The following CCDC60 variants were observed in gnomAD, a reference collection of about 807,000 sequenced individuals.
CCDC60 encodes the protein coiled-coil domain-containing protein 60.
Under a neutral mutation model 63.5 loss-of-function variants are expected in CCDC60, and 54 were observed. The ratio of observed to expected loss-of-function variants is 0.85; its 90% CI spans 0.68 to 1.07. CCDC60 has a LOEUF of 1.07. Among genes scored for constraint, CCDC60 ranks in the 50% least tolerant of loss-of-function variants. CCDC60 has a pLI of 0.00. For missense variants in CCDC60, 651 were observed against 684.3 expected (o/e 0.95, Z 0.54); for synonymous variants, 206 against 238.8 (o/e 0.86, Z 1.27).
At chr12:119,453,308 C>T (rs1173364402) in intron 2 of CCDC60, among the ~76,000 whole-genome samples, 1 of 152,150 alleles carries the variant, frequency 6.6e-6, no homozygotes, top group Non-Finnish European at 1.5e-5. Context: ...TTCCCTCCTC[C>T]TCCTTTTCTT....
At chr12:119,385,628 C>T (rs1004719913) in intron 1 of CCDC60, among the ~76,000 whole-genome samples, 1 of 152,208 alleles carries the variant, frequency 6.6e-6, no homozygotes, top group Admixed American at 6.5e-5. Flanking sequence ...TACCTAGTTT[C>T]AGGTATGTCT....
intron 1 of CCDC60, among the ~76,000 whole-genome samples, chr12:119,403,614 G>C (rs966957427): frequency 2.6e-5 from 4 of 151,986 alleles, no homozygotes; most frequent in Non-Finnish European, 5.9e-5. Context: ...TTCCCCCTGT[G>C]CCCTCTGCAT....
rs753618585 is a variant in CCDC60, at chr12:119,456,001, GAGAA to G, written c.171-15934_171-15931del. ...AGGGAGAGAGAAAGAGAGAGAGAAA[GAGAA>G]AGAAAGAAAGAAAGAAAGAAAGAAA... On this transcript the variant is annotated intron_variant, in intron 2 of 13. Transcript: ENST00000327554. The surrounding 1 kb of genome is among the most constrained non-coding windows in gnomAD (Gnocchi z 4.6). Among the ~76,000 whole-genome samples, 3,141 of 50,810 alleles carry G rather than the reference GAGAA, an allele frequency of 0.062. 92 individuals carry two copies. The highest frequency in any genetic ancestry group is 0.081 in the Non-Finnish European group (2,361 of 29,172). 33.3% of individuals were successfully genotyped at this position (50,810 alleles called of 152,430 possible).
intron 5 of CCDC60, among the ~76,000 whole-genome samples, chr12:119,490,453 T>A (rs934965569): frequency 2.6e-5 from 4 of 152,316 alleles, no homozygotes; most frequent in Non-Finnish European, 5.9e-5. Flanking sequence ...CTGGGACCCC[T>A]CCAACTTACT....
intron 3 of CCDC60, among the ~76,000 whole-genome samples, chr12:119,474,870 C>T (rs754313743): frequency 1.3e-5 from 2 of 152,018 alleles, no homozygotes; most frequent in African/African-American, 2.4e-5. Context: ...AAAATATATA[C>T]AATTTTTTCA....
intron 1 of CCDC60, among the ~76,000 whole-genome samples, chr12:119,411,231 G>A (rs1008898862): frequency 4.6e-5 from 7 of 152,210 alleles, no homozygotes; most frequent in African/African-American, 1.4e-4. Flanking sequence ...AGGCATGTTT[G>A]TTCAGATTCT....
intron 1 of CCDC60, among the ~76,000 whole-genome samples, chr12:119,425,454 C>G (rs564341019): frequency 6.6e-6 from 1 of 152,260 alleles, no homozygotes; most frequent in African/African-American, 2.4e-5. Flanking sequence ...GCTGTTTTGC[C>G]ACTCCCAAGA....
At chr12:119,428,804 A>G in intron 2 of CCDC60, 42 bp downstream of exon 2, 1 of 1,292,036 alleles carries the variant, frequency 7.7e-7, no homozygotes, top group Non-Finnish European at 1.1e-6. Flanking sequence ...ACAACCCAAC[A>G]GGCATGAGCA....
Position 119,385,807 on chromosome 12 carries a change from G to A in CCDC60, c.91-42876G>A, listed in dbSNP as rs534643768. Among the ~76,000 whole-genome samples, 45 of 152,234 alleles carry A rather than the reference G, an allele frequency of 3.0e-4. 1 individual carries two copies. The highest frequency in any genetic ancestry group is 2.7e-3 in the South Asian group (13 of 4,820). On this transcript the variant is annotated intron_variant, in intron 1 of 13. Coordinates refer to ENST00000327554, the MANE Select transcript of CCDC60 (RefSeq NM_178499.5). The stretch of plus-strand genomic sequence containing the variant: ...ACCACTAACCTCTTCACTGCCAGTC[G>A]CTGCTCCCCCTCCGTGCCCCTTCAG...
chr12:119,455,370 C>G (rs990684838), intron 2 of CCDC60, among the ~76,000 whole-genome samples: 1 of 152,174 alleles, frequency 6.6e-6, no homozygotes, highest in African/African-American at 2.4e-5. Flanking sequence ...CAGCAATCAC[C>G]ATGTAGTGTG....
chr12:119,431,619 T>C (rs1240259116), intron 2 of CCDC60, among the ~76,000 whole-genome samples: 1 of 152,194 alleles, frequency 6.6e-6, no homozygotes, highest in East Asian at 1.9e-4. Context: ...AGGAGGTTTG[T>C]TTTGAGAGAG....
intron 4 of CCDC60, among the ~76,000 whole-genome samples, chr12:119,483,928 T>C (rs1189025897): frequency 6.6e-6 from 1 of 151,176 alleles, no homozygotes; most frequent in African/African-American, 2.4e-5. Flanking sequence ...TCAAGCATGC[T>C]TCTGGGGACT....
At chr12:119,398,121 T>TGGGGGGGGGAAGGGGG (rs1956314382) in intron 1 of CCDC60, among the ~76,000 whole-genome samples, 1 of 15,956 alleles carries the variant, frequency 6.3e-5, no homozygotes, top group African/African-American at 2.9e-4. Flanking sequence ...GAGGAAGGGG[T>TGGGGGGGGGAAGGGGG]GGCAGAGGGG....
At chr12:119,335,289 CCAAT>C in intron 1 of CCDC60, 23 bp downstream of exon 1, 1 of 1,533,618 alleles carries the variant, frequency 6.5e-7, no homozygotes, top group Non-Finnish European at 8.9e-7. Flanking sequence ...TCTGCTGAAA[CCAAT>C]CATGTTTTCG....
Position 119,490,486 on chromosome 12 carries a change from A to G in CCDC60, c.557+1620A>G, listed in dbSNP as rs554265781. ...ACTTCTATCCCCATCACGGCACCCT[A>G]GTTATTTCCAAAATGTCTTTGTGGC... On this transcript the variant is annotated intron_variant, in intron 5 of 13. Coordinates refer to ENST00000327554, the MANE Select transcript of CCDC60 (RefSeq NM_178499.5). Among the ~76,000 whole-genome samples, 24 of 152,250 alleles carry G rather than the reference A, an allele frequency of 1.6e-4. 1 individual carries two copies. Among genetic ancestry groups the G allele is most frequent in the Middle Eastern group, 3.4e-3 (1 of 294 alleles).
At chr12:119,539,505 A>T (rs111851823) in intron 13 of CCDC60, among the ~76,000 whole-genome samples, 6,913 of 152,170 alleles carry the variant, frequency 0.045, 474 homozygotes, top group African/African-American at 0.16. Flanking sequence ...GCCTACCCAA[A>T]CCTCCATAAT....
At chr12:119,514,254 G>T (rs939309933) in intron 7 of CCDC60, among the ~76,000 whole-genome samples, 1 of 151,450 alleles carries the variant, frequency 6.6e-6, no homozygotes, top group African/African-American at 2.4e-5. Flanking sequence ...TCGGTTTACT[G>T]CAACCTCCAC....
intron 1 of CCDC60, among the ~76,000 whole-genome samples, chr12:119,382,384 C>G (rs947893467): frequency 3.9e-5 from 6 of 152,196 alleles, no homozygotes; most frequent in Admixed American, 3.3e-4. Context: ...CGATGAGCAC[C>G]ATTTCTGCCC....
intron 2 of CCDC60, among the ~76,000 whole-genome samples, chr12:119,436,268 T>C (rs947209756): frequency 2.0e-5 from 3 of 152,090 alleles, no homozygotes; most frequent in Non-Finnish European, 2.9e-5. Context: ...CATCATTAGA[T>C]AATCTGTACA....
Sources: gnomAD v4.1 joint callset for allele counts (sites outside exome capture counted in the v4.1 genomes callset) on GRCh38, gnomAD v4.1.1 for gene constraint, Gnocchi (gnomAD v3.1) non-coding constraint, MANE v1.5 for transcripts, NCBI Gene and HGNC (gene_info 2026-07-23, HGNC 2026-07-21) for gene names.